CNIH1: variants seen among roughly 807,000 people sequenced by gnomAD.
CNIH1 encodes the protein cornichon family member 1.
Under a neutral mutation model 20.2 loss-of-function variants are expected in CNIH1, and 12 were observed. The observed-to-expected ratio is 0.59, with a 90% CI of 0.38 to 0.96. The LOEUF is 0.96. CNIH1 is among the 40% of genes least tolerant of loss of function. The probability of loss-of-function intolerance (pLI) is 0.00; values close to 1 mark genes in which losing one functional copy is unlikely to be tolerated. For synonymous variants in CNIH1, 69 were observed against 63.3 expected (o/e 1.09, Z -0.43); for missense variants, 152 against 178.8 (o/e 0.85, Z 0.85).
rs948931911 is a variant in CNIH1 at position 54,424,575 on chromosome 14, T to C, written c.*3239A>G. 3.9e-5 allele frequency: 6 copies of C among 152,218 alleles called. No homozygotes were observed. The highest frequency in any genetic ancestry group is 1.9e-4 in the East Asian group (1 of 5,192). The allele number at this position is 152,218 out of a possible 1,614,324, so 9.4% of individuals were successfully genotyped here. A position where few individuals can be genotyped will look rare whatever the true frequency, so the allele number is the denominator to read the frequency against. On this transcript the variant is annotated 3_prime_UTR_variant, in exon 5 of 5. Coordinates refer to ENST00000216416, the MANE Select transcript of CNIH1 (RefSeq NM_005776.3). The stretch of plus-strand genomic sequence containing the variant: ...ATTCCACGAACTCTATTCATAAACA[T>C]AGAAGGAGAAGAGAGGTGTTGTACA...
chr14:54,434,048 GA>G (rs1205116572), intron 2 of CNIH1, among the ~76,000 whole-genome samples: 1 of 151,656 alleles, frequency 6.6e-6, no homozygotes, highest in East Asian at 1.9e-4. Flanking sequence ...CTAGTATCCA[GA>G]AAAAAAACCT....
chr14:54,430,960 T>G lies in CNIH1; in HGVS notation c.264-556A>C, dbSNP rs1011294262. 6.6e-5 allele frequency among the ~76,000 whole-genome samples: 10 copies of G among 151,956 alleles called. No individual in the cohort carries two copies. The East Asian group carries it at 1.9e-3, about 29-fold the overall frequency. On this transcript the variant is annotated intron_variant, in intron 3 of 4. Coordinates refer to ENST00000216416, the MANE Select transcript of CNIH1 (RefSeq NM_005776.3). The stretch of plus-strand genomic sequence containing the variant: ...AATCCTTCTGCCTCAGCCTCCCAAG[T>G]AGCGGGGACTACAGGCACACGCCAC...
intron 1 of CNIH1, 98 bp downstream of exon 1, chr14:54,441,149 C>T (rs932941046): frequency 9.6e-5 from 120 of 1,248,618 alleles, no homozygotes; most frequent in Non-Finnish European, 1.2e-4. Flanking sequence ...CCCCGACGCG[C>T]AAAGCCCCGG....
At chr14:54,439,833 A>G (rs1453708787) in intron 1 of CNIH1, among the ~76,000 whole-genome samples, 2 of 152,052 alleles carry the variant, frequency 1.3e-5, no homozygotes, top group African/African-American at 2.4e-5. Context: ...TACAGGAGTG[A>G]GCCACCGCGC....
At position 54,432,194 on chromosome 14, in the gene CNIH1, G is replaced by A. The variant is rs372339176; in HGVS notation, c.177C>T (p.His59=). 54 of 1,554,366 alleles carry A rather than the reference G, an allele frequency of 3.5e-5. No homozygotes were observed. The highest frequency in any genetic ancestry group is 4.4e-5 in the Non-Finnish European group (51 of 1,148,330). ...AAAGAAACATGACACAGAAGAAAGCGTGGATGAGGTACTCTGGGAGTACAA... is the reference window on the plus strand; with the variant it reads ...AAAGAAACATGACACAGAAGAAAGCATGGATGAGGTACTCTGGGAGTACAA... ...NPLVLPEYLI[H]AFFCVMFLCA... The change falls in exon 3 of 5, where the codon CAC becomes CAT. Residue 59 remains histidine (H), a synonymous_variant. Coordinates refer to ENST00000216416, the MANE Select transcript of CNIH1 (RefSeq NM_005776.3).
chr14:54,434,870 A>G (rs1490821091), intron 2 of CNIH1, among the ~76,000 whole-genome samples: 1 of 152,244 alleles, frequency 6.6e-6, no homozygotes, highest in Non-Finnish European at 1.5e-5. Flanking sequence ...AAGAGCAAAG[A>G]AACAGCTAAT....
chr14:54,432,056 G>T, intron 3 of CNIH1, 52 bp downstream of exon 3: 1 of 894,518 alleles, frequency 1.1e-6, no homozygotes, highest in Non-Finnish European at 1.6e-6. Context: ...ATCAACCACA[G>T]TATATTTAAG....
chr14:54,436,138 A>C (rs1364405918), intron 2 of CNIH1: 1 of 703,748 alleles, frequency 1.4e-6, no homozygotes, highest in Non-Finnish European at 2.6e-6. Flanking sequence ...TTTGGCCGAC[A>C]ATGTAAAAAG....
Position 54,432,235 on chromosome 14 carries a change from C to G in CNIH1, c.151-15G>C. The G allele has an allele frequency of 7.0e-7, 1 of 1,432,716 alleles. No individual in the cohort carries two copies. Among genetic ancestry groups the G allele is most frequent in the Non-Finnish European group, 9.4e-7 (1 of 1,058,800 alleles). 88.8% of individuals were successfully genotyped at this position (1,432,716 alleles called of 1,614,324 possible). A position where few individuals can be genotyped will look rare whatever the true frequency, so the allele number is the denominator to read the frequency against. ...GGGAGTACAAGCTGGAAGGAAAACACAAGCCAGTTATCAAAATGCCTCAGC... is the reference window on the plus strand; with the variant it reads ...GGGAGTACAAGCTGGAAGGAAAACAGAAGCCAGTTATCAAAATGCCTCAGC... On this transcript the variant is annotated splice_polypyrimidine_tract_variant and intron_variant, in intron 2 of 4. Transcript: ENST00000216416.
intron 1 of CNIH1, among the ~76,000 whole-genome samples, chr14:54,439,633 T>C (rs951062333): frequency 1.4e-4 from 22 of 152,002 alleles, no homozygotes; most frequent in Middle Eastern, 3.4e-3. Flanking sequence ...CTGCAACCTC[T>C]GCCTCCTGGG....
intron 4 of CNIH1, among the ~76,000 whole-genome samples, chr14:54,428,701 C>G (rs1049245783): frequency 2.0e-5 from 3 of 152,152 alleles, no homozygotes; most frequent in African/African-American, 7.2e-5. Flanking sequence ...GCTATGGAAA[C>G]TTATGAAATG....
At chr14:54,431,501 T>C in intron 3 of CNIH1, among the ~76,000 whole-genome samples, 1 of 152,222 alleles carries the variant, frequency 6.6e-6, no homozygotes, top group East Asian at 1.9e-4. Context: ...ACTTCTTCAG[T>C]ATATGTCTCC....
At chr14:54,427,898 C>CA (rs1235255464) in intron 4 of CNIH1, 57 bp from the exon 5 acceptor site, 12 of 1,546,824 alleles carry the variant, frequency 7.8e-6, no homozygotes, top group African/African-American at 4.1e-5. Context: ...AAAAAAAACT[C>CA]AGAGCATGAG....
intron 2 of CNIH1, among the ~76,000 whole-genome samples, chr14:54,434,717 T>C (rs1292989483): frequency 6.6e-6 from 1 of 152,208 alleles, no homozygotes; most frequent in Non-Finnish European, 1.5e-5. Flanking sequence ...CAGAATACTA[T>C]TAATAAACAG....
chr14:54,428,536 C>G (rs2030870946), intron 4 of CNIH1, among the ~76,000 whole-genome samples: 1 of 152,178 alleles, frequency 6.6e-6, no homozygotes, highest in African/African-American at 2.4e-5. Flanking sequence ...AACCTTAAAA[C>G]ACAACAAATG....
At chr14:54,433,478 T>G (rs917946082) in intron 2 of CNIH1, among the ~76,000 whole-genome samples, 1 of 152,186 alleles carries the variant, frequency 6.6e-6, no homozygotes, top group African/African-American at 2.4e-5. Context: ...TAACAAAGGA[T>G]AAACTCGGCA....
chr14:54,434,682 T>C (rs1347065455), intron 2 of CNIH1, among the ~76,000 whole-genome samples: 3 of 152,186 alleles, frequency 2.0e-5, no homozygotes, highest in Admixed American at 6.5e-5. Flanking sequence ...ATTTGGTTAT[T>C]GAAGTAATGA....
intron 1 of CNIH1, 65 bp from the exon 2 acceptor site, chr14:54,436,502 A>T: frequency 1.2e-6 from 1 of 810,604 alleles, no homozygotes; most frequent in East Asian, 2.5e-5. Context: ...AACCTGCCCC[A>T]TCTTCAAATA....
At chr14:54,427,899 A>T in intron 4 of CNIH1, 58 bp from the exon 5 acceptor site, 3 of 1,513,480 alleles carry the variant, frequency 2.0e-6, no homozygotes, top group Non-Finnish European at 2.7e-6. Flanking sequence ...AAAAAAACTC[A>T]GAGCATGAGA....
Sources: allele counts gnomAD v4.1 joint callset (sites outside exome capture counted in the v4.1 genomes callset), GRCh38; gene constraint gnomAD v4.1.1; transcripts MANE v1.5; gene names NCBI Gene and HGNC (gene_info 2026-07-23, HGNC 2026-07-21).